Variants in RAPGEF5 observed in about 807,000 individuals in gnomAD.
The protein encoded by RAPGEF5 is M-Ras-regulated GEF.
In RAPGEF5, 65 loss-of-function variants were observed where a neutral mutation model predicts 125.2. The ratio of observed to expected loss-of-function variants is 0.52; its 90% confidence interval spans 0.43 to 0.64. The LOEUF is 0.64. Ranked by LOEUF, RAPGEF5 falls within the 30% of genes least tolerant of loss-of-function variation. RAPGEF5 has a pLI of 0.00. For synonymous variants in RAPGEF5, 391 were observed against 385.9 expected (o/e 1.01, Z -0.16); for missense variants, 958 against 1,048.1 (o/e 0.91, Z 1.19).
intron 1 of RAPGEF5, among the ~76,000 whole-genome samples, chr7:22,340,680 T>G (rs753519845): frequency 1.3e-5 from 2 of 152,224 alleles, no homozygotes; most frequent in Non-Finnish European, 2.9e-5. Context: ...TGACCAGGGC[T>G]TGGATTCTCT....
chr7:22,355,296 G>A (rs1784400892), intron 1 of RAPGEF5, among the ~76,000 whole-genome samples: 1 of 152,182 alleles, frequency 6.6e-6, no homozygotes, highest in Non-Finnish European at 1.5e-5. Context: ...AGAAACATGA[G>A]TATGAACGCA....
rs991177752 is a variant in RAPGEF5 at position 22,194,007 on chromosome 7, C to G, written c.1023G>C (p.Gln341His). The G allele has an allele frequency of 6.2e-7, 1 of 1,613,886 alleles. No homozygotes were observed. The change falls in exon 10 of 26, where the codon CAG (glutamine) becomes CAC (histidine). Residue 341 changes from glutamine (Q) to histidine (H), a missense_variant. Coordinates refer to ENST00000665637, the MANE Select transcript of RAPGEF5 (RefSeq NM_012294.5). ...EHQDDEVTTV[Q>H]VKEQDQSVLV... ...GGACGCTCTGGTCTTGCTCTTTAACCTGAACAGTCGTCACTTCATCATCTT... is the reference window on the plus strand; with the variant it reads ...GGACGCTCTGGTCTTGCTCTTTAACGTGAACAGTCGTCACTTCATCATCTT...
intron 5 of RAPGEF5, among the ~76,000 whole-genome samples, chr7:22,307,695 C>T (rs937303658): frequency 1.3e-5 from 2 of 152,128 alleles, no homozygotes; most frequent in Admixed American, 6.5e-5. Context: ...AAAGAGTCAA[C>T]AATATGGGAA....
intron 6 of RAPGEF5, among the ~76,000 whole-genome samples, chr7:22,275,311 G>A (rs1396693037): frequency 2.0e-5 from 3 of 152,138 alleles, no homozygotes; most frequent in Non-Finnish European, 4.4e-5. Flanking sequence ...CGCTGAAATG[G>A]ACTTCTTTAT....
chr7:22,173,769 C>T (rs1309844275), intron 11 of RAPGEF5, among the ~76,000 whole-genome samples: 1 of 152,142 alleles, frequency 6.6e-6, no homozygotes, highest in African/African-American at 2.4e-5. Flanking sequence ...CTACCTTCTC[C>T]AGGCTGCGGC....
chr7:22,311,675 T>A (rs1034794231), intron 3 of RAPGEF5, among the ~76,000 whole-genome samples: 2 of 152,234 alleles, frequency 1.3e-5, no homozygotes, highest in East Asian at 1.9e-4. Context: ...AGTTGCAGGT[T>A]AGCATAAGAC....
intron 7 of RAPGEF5, among the ~76,000 whole-genome samples, chr7:22,252,264 G>A (rs1381354091): frequency 6.6e-6 from 1 of 152,114 alleles, no homozygotes; most frequent in Admixed American, 6.5e-5. Flanking sequence ...TCTGGGCAAC[G>A]TCACCTTACT....
chr7:22,272,360 AAAAG>A (rs1933645503), intron 6 of RAPGEF5, among the ~76,000 whole-genome samples: 1 of 108,956 alleles, frequency 9.2e-6, no homozygotes, highest in Admixed American at 8.7e-5. Context: ...AAAAAAAAAA[AAAAG>A]AAGGAAAAAA....
chr7:22,182,761 C>T (rs1464882528), intron 11 of RAPGEF5, among the ~76,000 whole-genome samples: 2 of 152,154 alleles, frequency 1.3e-5, no homozygotes, highest in Admixed American at 1.3e-4. Context: ...TTAAAGGGTA[C>T]ACCCTGTCAG....
intron 1 of RAPGEF5, among the ~76,000 whole-genome samples, chr7:22,337,192 G>C (rs1784042438): frequency 6.6e-6 from 1 of 152,192 alleles, no homozygotes; most frequent in African/African-American, 2.4e-5. Flanking sequence ...TGGTGGGCAG[G>C]GGCTACGGTA....
rs34791723 is a variant in RAPGEF5, at chr7:22,269,180, CAAAAAA to C, written c.748-2174_748-2169del. On this transcript the variant is annotated intron_variant, in intron 6 of 25. Coordinates refer to ENST00000665637, the MANE Select transcript of RAPGEF5 (RefSeq NM_012294.5). Reference sequence around the variant, plus strand: ...GCATTGGGAGGGAAAAAGTTTTTGACAAAAAAAAAAAAAAAAAAAAGAAACCCAAAG... The same window carrying C: ...GCATTGGGAGGGAAAAAGTTTTTGACAAAAAAAAAAAAAAGAAACCCAAAG... 9.4e-3 allele frequency among the ~76,000 whole-genome samples: 695 copies of C among 73,880 alleles called. 7 individuals are homozygous for C. The highest frequency in any genetic ancestry group is 0.027 in the African/African-American group (659 of 24,852). 48.5% of individuals were successfully genotyped at this position (73,880 alleles called of 152,430 possible).
In RAPGEF5 at chr7:22,162,546, A is replaced by G. The variant is rs1014443807; in HGVS notation, c.1284-5T>C. 1.0e-5 allele frequency: 16 copies of G among 1,601,722 alleles called. No individual in the cohort carries two copies. Among genetic ancestry groups the G allele is most frequent in the Non-Finnish European group, 1.3e-5 (15 of 1,172,296 alleles). On this transcript the variant is annotated splice_region_variant and splice_polypyrimidine_tract_variant and intron_variant, in intron 12 of 25. Coordinates refer to ENST00000665637, the MANE Select transcript of RAPGEF5 (RefSeq NM_012294.5). ...TGATACTTCTTAGCAGAATAGGTGC[A>G]AATGGTTAAGAAAAAATTATATTGT...
At chr7:22,276,327 T>C (rs1202692223) in intron 6 of RAPGEF5, among the ~76,000 whole-genome samples, 2 of 152,218 alleles carry the variant, frequency 1.3e-5, no homozygotes, top group African/African-American at 2.4e-5. Flanking sequence ...AAAGCCATAA[T>C]ATAATTTTTA....
intron 6 of RAPGEF5, among the ~76,000 whole-genome samples, chr7:22,286,721 T>A (rs1782806926): frequency 6.6e-6 from 1 of 152,228 alleles, no homozygotes; most frequent in African/African-American, 2.4e-5. Context: ...TAATTCACCA[T>A]AAACACTTCC....
intron 7 of RAPGEF5, among the ~76,000 whole-genome samples, chr7:22,244,010 T>C (rs896277029): frequency 6.6e-6 from 1 of 152,194 alleles, no homozygotes; most frequent in African/African-American, 2.4e-5. Flanking sequence ...TAAGTTCCAC[T>C]TTCTAAGGTT....
intron 7 of RAPGEF5, among the ~76,000 whole-genome samples, chr7:22,237,472 C>CAA (rs36017385): frequency 0.13 from 14,303 of 107,078 alleles, 992 homozygotes; most frequent in East Asian, 0.42. Flanking sequence ...TTAGGCTTCT[C>CAA]AAAAAAAAAA....
At chr7:22,179,849 A>G (rs1395875554) in intron 11 of RAPGEF5, among the ~76,000 whole-genome samples, 1 of 152,196 alleles carries the variant, frequency 6.6e-6, no homozygotes, top group Non-Finnish European at 1.5e-5. Flanking sequence ...CATATGTTCT[A>G]AAAAGGGGAG....
intron 11 of RAPGEF5, among the ~76,000 whole-genome samples, chr7:22,178,475 G>A (rs1272711654): frequency 2.0e-5 from 3 of 152,116 alleles, no homozygotes; most frequent in Non-Finnish European, 4.4e-5. Flanking sequence ...TCTGACCAGT[G>A]GGCTCTATAT....
chr7:22,275,645 G>A (rs1425215723), intron 6 of RAPGEF5, among the ~76,000 whole-genome samples: 1 of 152,116 alleles, frequency 6.6e-6, no homozygotes, highest in Non-Finnish European at 1.5e-5. Flanking sequence ...CTAAAGATTT[G>A]TTTTAAGAAT....
Sources: allele counts gnomAD v4.1 joint callset (sites outside exome capture counted in the v4.1 genomes callset), GRCh38; gene constraint gnomAD v4.1.1; transcripts MANE v1.5; gene names NCBI Gene and HGNC (gene_info 2026-07-23, HGNC 2026-07-21).